ADAMTSL3: variants seen among roughly 807,000 people sequenced by gnomAD.
ADAMTSL3 encodes ADAMTS like 3.
A neutral mutation model predicts 201.7 loss-of-function variants in ADAMTSL3; 128 were observed. That is an observed-to-expected ratio of 0.63 (90% CI 0.55 to 0.73). The LOEUF is 0.73. Among genes scored for constraint, ADAMTSL3 ranks in the 30% least tolerant of loss-of-function variants. The probability of loss-of-function intolerance (pLI) is 0.00; values close to 1 mark genes in which losing one functional copy is unlikely to be tolerated. For missense variants in ADAMTSL3, 1,990 were observed against 2,119.6 expected, an observed-to-expected ratio of 0.94 and a Z score of 1.20; for synonymous variants, 738 against 748.4, an observed-to-expected ratio of 0.99 and a Z score of 0.23.
chr15:83,740,622 G>GAATA (rs971793343), intron 3 of ADAMTSL3, among the ~76,000 whole-genome samples: 73 of 151,972 alleles, frequency 4.8e-4, no homozygotes, highest in African/African-American at 1.6e-3. Context: ...ATAAAGATAA[G>GAATA]AATAAAAAAG....
rs181217968 is a variant in ADAMTSL3 at position 83,768,355 on chromosome 15, C to T, written c.190-5168C>T. On this transcript the variant is annotated intron_variant, in intron 3 of 29. Transcript: ENST00000286744. ...CTATTATGTGATGCTGTCTCCAGAG[C>T]AGATTCCAACAAATGGGCTGGCTGA... 1.3e-4 allele frequency among the ~76,000 whole-genome samples: 20 copies of T among 152,216 alleles called. 1 individual carries two copies. Among genetic ancestry groups the T allele is most frequent in the Admixed American group, 2.0e-4 (3 of 15,284 alleles).
intron 25 of ADAMTSL3, among the ~76,000 whole-genome samples, chr15:84,017,777 C>T (rs2068115093): frequency 6.6e-6 from 1 of 152,180 alleles, no homozygotes; most frequent in South Asian, 2.1e-4. Context: ...ACAAATATTG[C>T]CCAGTGCTTA....
At chr15:83,956,489 G>A (rs1371656763) in intron 19 of ADAMTSL3, among the ~76,000 whole-genome samples, 5 of 152,254 alleles carry the variant, frequency 3.3e-5, no homozygotes, top group Non-Finnish European at 5.9e-5. Flanking sequence ...GATCAATGTA[G>A]CCTTCTATTC....
At chr15:83,861,884 A>G (rs1225218123) in intron 8 of ADAMTSL3, 2 of 152,180 alleles carry the variant, frequency 1.3e-5, no homozygotes, top group African/African-American at 2.4e-5. Context: ...AACAAATTAG[A>G]CGAATGGCTA....
In ADAMTSL3 at chr15:83,819,948, A is replaced by G. The variant is rs1257277004; in HGVS notation, c.501A>G (p.Ala167=). 1.2e-6 allele frequency: 2 copies of G among 1,614,156 alleles called. No homozygotes were observed. Among genetic ancestry groups the G allele is most frequent in the Middle Eastern group, 1.6e-4 (1 of 6,062 alleles). The stretch of plus-strand genomic sequence containing the variant: ...CCCCGTGTGCACTCAAGTGTCATGC[A>G]CAAGGACAAAACTTGGTGGTGGAGC... ...PAAPCALKCH[A]QGQNLVVELA... The change falls in exon 6 of 30, where the codon GCA becomes GCG. Residue 167 remains alanine, a synonymous_variant. Coordinates refer to ENST00000286744, the MANE Select transcript of ADAMTSL3 (RefSeq NM_207517.3).
intron 19 of ADAMTSL3, among the ~76,000 whole-genome samples, chr15:83,952,764 C>T (rs1241083449): frequency 6.6e-6 from 1 of 151,064 alleles, no homozygotes; most frequent in Non-Finnish European, 1.5e-5. Context: ...CAAGATCGTG[C>T]CACTGCACTC....
chr15:83,967,258 A>T (rs1190920623), intron 19 of ADAMTSL3, among the ~76,000 whole-genome samples: 1 of 152,248 alleles, frequency 6.6e-6, no homozygotes, highest in African/African-American at 2.4e-5. Flanking sequence ...TGCAGATGAC[A>T]TAATTATATA....
At chr15:83,766,012 A>G (rs2062883376) in intron 3 of ADAMTSL3, among the ~76,000 whole-genome samples, 1 of 152,252 alleles carries the variant, frequency 6.6e-6, no homozygotes, top group Admixed American at 6.5e-5. Flanking sequence ...AGAGGTGAGC[A>G]CAAAATAAGG....
intron 3 of ADAMTSL3, among the ~76,000 whole-genome samples, chr15:83,729,271 T>C (rs1219349640): frequency 6.6e-6 from 1 of 152,090 alleles, no homozygotes; most frequent in Non-Finnish European, 1.5e-5. Context: ...ATAAGCTTCT[T>C]GTACTTGAAT....
intron 3 of ADAMTSL3, among the ~76,000 whole-genome samples, chr15:83,773,070 C>T (rs2063010377): frequency 1.3e-5 from 2 of 152,038 alleles, no homozygotes; most frequent in South Asian, 4.2e-4. Flanking sequence ...AACTGCTTTT[C>T]ATATAAACCT....
chr15:83,903,389 C>A (rs190069301), intron 15 of ADAMTSL3, among the ~76,000 whole-genome samples: 2 of 152,142 alleles, frequency 1.3e-5, no homozygotes, highest in Admixed American at 6.5e-5. Context: ...TTTCTCATCA[C>A]CCCCCAACAT....
At chr15:83,769,961 C>G (rs193042252) in intron 3 of ADAMTSL3, among the ~76,000 whole-genome samples, 90 of 152,102 alleles carry the variant, frequency 5.9e-4, no homozygotes, top group Admixed American at 1.1e-3. Context: ...TTGAACTTTT[C>G]TGTACACCAA....
intron 2 of ADAMTSL3, among the ~76,000 whole-genome samples, chr15:83,696,242 G>A (rs1386065036): frequency 6.6e-6 from 1 of 152,138 alleles, no homozygotes; most frequent in Non-Finnish European, 1.5e-5. Flanking sequence ...GCCGATCTTG[G>A]TTTGTCACCC....
intron 27 of ADAMTSL3, among the ~76,000 whole-genome samples, chr15:84,028,827 T>C (rs552403978): frequency 1.8e-4 from 28 of 152,298 alleles, no homozygotes; most frequent in Non-Finnish European, 3.5e-4. Context: ...AATTGAGTCA[T>C]GGGGGCAGTT....
At chr15:84,012,770 T>C (rs1174567610) in intron 23 of ADAMTSL3, among the ~76,000 whole-genome samples, 1 of 152,194 alleles carries the variant, frequency 6.6e-6, no homozygotes, top group Non-Finnish European at 1.5e-5. Flanking sequence ...ACTTGGATCA[T>C]ACAAAGCCAC....
intron 4 of ADAMTSL3, among the ~76,000 whole-genome samples, chr15:83,783,517 C>G (rs1163784598): frequency 1.3e-5 from 2 of 151,580 alleles, no homozygotes; most frequent in Non-Finnish European, 2.9e-5. Flanking sequence ...ACCTTAAATA[C>G]AAGGATACCG....
At chr15:83,720,083 G>A (rs917864297) in intron 3 of ADAMTSL3, among the ~76,000 whole-genome samples, 2 of 152,190 alleles carry the variant, frequency 1.3e-5, no homozygotes, top group Non-Finnish European at 2.9e-5. Flanking sequence ...GCTGGGCGTG[G>A]TGGCTTATGC....
chr15:83,697,494 A>G (rs1214377941), intron 2 of ADAMTSL3, among the ~76,000 whole-genome samples: 1 of 152,230 alleles, frequency 6.6e-6, no homozygotes, highest in Non-Finnish European at 1.5e-5. Flanking sequence ...TACTTCTGAC[A>G]AACAGGCTAT....
At chr15:83,797,296 T>G (rs545695877) in intron 4 of ADAMTSL3, among the ~76,000 whole-genome samples, 24 of 152,242 alleles carry the variant, frequency 1.6e-4, no homozygotes, top group Middle Eastern at 6.8e-3. Flanking sequence ...AATTATAATT[T>G]CACTGACAAA....
Sources: allele counts gnomAD v4.1 joint callset (sites outside exome capture counted in the v4.1 genomes callset), GRCh38; gene constraint gnomAD v4.1.1; transcripts MANE v1.5; gene names NCBI Gene and HGNC (gene_info 2026-07-23, HGNC 2026-07-21).